The following VPS13C variants were observed in gnomAD, a reference collection of about 807,000 sequenced individuals.
VPS13C encodes vacuolar protein sorting 13 homolog C, also known as intermembrane lipid transfer protein VPS13C.
Under a neutral mutation model 456.8 loss-of-function variants are expected in VPS13C, and 358 were observed. The observed-to-expected ratio is 0.78, with a 90% CI of 0.72 to 0.86. The LOEUF is 0.86. Ranked by LOEUF, VPS13C falls within the 40% of genes least tolerant of loss-of-function variation. VPS13C has a pLI of 0.00. For synonymous variants in VPS13C, 1,578 were observed against 1,486.7 expected (o/e 1.06, Z -1.41); for missense variants, 4,818 against 4,385.4 (o/e 1.10, Z -2.79).
intron 16 of VPS13C, among the ~76,000 whole-genome samples, 166 bp downstream of exon 16, chr15:62,000,398 T>A: frequency 6.6e-6 from 1 of 152,046 alleles, no homozygotes; most frequent in East Asian, 1.9e-4. Context: ...AGGTTTTTTT[T>A]CCCCTTCATA....
intron 27 of VPS13C, among the ~76,000 whole-genome samples, chr15:61,969,996 T>G (rs563749462): frequency 6.6e-6 from 1 of 152,100 alleles, no homozygotes; most frequent in African/African-American, 2.4e-5. Flanking sequence ...AATGCTTAAA[T>G]CAATATAGTA....
intron 37 of VPS13C, among the ~76,000 whole-genome samples, chr15:61,955,804 T>C (rs1057285496): frequency 2.0e-5 from 3 of 152,106 alleles, no homozygotes; most frequent in African/African-American, 7.2e-5. Context: ...AGAATATCTA[T>C]TGAAAAGTCA....
Position 61,990,403 on chromosome 15 carries a change from T to A in VPS13C, c.1578+597A>T, listed in dbSNP as rs553546940. Among the ~76,000 whole-genome samples the A allele has an allele frequency of 7.2e-5, 11 of 152,302 alleles. No individual in the cohort carries two copies. The South Asian group carries it at 2.3e-3, about 32-fold the overall frequency. ...GGTTTTGCTTACTTTTTTATATATG[T>A]TATGCTTCACAAGTTGAAAAAAATT... On this transcript the variant is annotated intron_variant, in intron 18 of 84. Coordinates refer to ENST00000644861, the MANE Select transcript of VPS13C (RefSeq NM_020821.3).
Position 61,961,912 on chromosome 15 carries a change from A to C in VPS13C, c.3604-19T>G, listed in dbSNP as rs776858568. On this transcript the variant is annotated intron_variant, in intron 34 of 84. Transcript: ENST00000644861. ...GGAAGTTCTGTGGACACAAAGCATA[A>C]AAAGAGAAATTCAAAGAGAATACAG... 8 of 1,591,008 alleles carry C rather than the reference A, an allele frequency of 5.0e-6. No individual in the cohort carries two copies. The highest frequency in any genetic ancestry group is 1.7e-4 in the Middle Eastern group (1 of 5,924).
intron 29 of VPS13C, 59 bp from the exon 30 acceptor site, chr15:61,966,201 T>G: frequency 6.0e-6 from 7 of 1,175,722 alleles, no homozygotes; most frequent in Non-Finnish European, 8.6e-6. Flanking sequence ...ATAAATCACT[T>G]ATTTATTATC....
Position 62,000,544 on chromosome 15 carries a change from C to G in VPS13C, c.1353+20G>C. 6.3e-7 allele frequency: 1 copy of G among 1,597,558 alleles called. No individual in the cohort carries two copies. On this transcript the variant is annotated intron_variant, in intron 16 of 84. Coordinates refer to ENST00000644861, the MANE Select transcript of VPS13C (RefSeq NM_020821.3). ...CATTAACATGTTTAAAACATAAAAT[C>G]AGCTAATAAAAATGATTACCTCAAC...
intron 3 of VPS13C, among the ~76,000 whole-genome samples, chr15:62,037,173 CATAAT>C (rs1355846301): frequency 8.6e-6 from 1 of 116,874 alleles, no homozygotes; most frequent in Non-Finnish European, 1.7e-5. Flanking sequence ...TATTATATTG[CATAAT>C]ATAAATATAA....
intron 34 of VPS13C, 111 bp from the exon 35 acceptor site, chr15:61,962,004 T>G: frequency 8.4e-7 from 1 of 1,194,472 alleles, no homozygotes. Flanking sequence ...ATATTTAACT[T>G]TCCATTGAGC....
intron 50 of VPS13C, among the ~76,000 whole-genome samples, chr15:61,930,241 G>C (rs2044010787): frequency 6.6e-6 from 1 of 152,150 alleles, no homozygotes; most frequent in Non-Finnish European, 1.5e-5. Context: ...TGTTTATCAA[G>C]TGTGCTCAAC....
chr15:62,048,261 C>A (rs1290508989), intron 1 of VPS13C, among the ~76,000 whole-genome samples: 1 of 88,034 alleles, frequency 1.1e-5, no homozygotes, highest in Non-Finnish European at 2.5e-5. Flanking sequence ...CCCCCACCCC[C>A]CCCAACAGGC....
In VPS13C at chr15:61,920,143, G is replaced by A; in HGVS notation, c.7401C>T (p.Ala2467=). The change falls in exon 57 of 85, where the codon GCC becomes GCT. Residue 2467 remains alanine, a synonymous_variant. Coordinates refer to ENST00000644861, the MANE Select transcript of VPS13C (RefSeq NM_020821.3). The part of the protein sequence containing the change: ...DAGQNLELEY[A]SMVPSSQGNL... ...TCCCTTGACTTGAAGGTACCATGCT[G>A]GCATACTCCAGTTCCAAATTCTGGC... 1 of 1,613,462 alleles carries A rather than the reference G, an allele frequency of 6.2e-7. No homozygotes were observed.
chr15:61,989,051 T>C (rs1251392116), intron 18 of VPS13C, among the ~76,000 whole-genome samples: 1 of 150,940 alleles, frequency 6.6e-6, no homozygotes, highest in East Asian at 1.9e-4. Flanking sequence ...ATAAAGAAAA[T>C]AAATATTAAA....
chr15:61,940,836 A>G, intron 46 of VPS13C, 42 bp from the exon 47 acceptor site: 1 of 1,575,312 alleles, frequency 6.3e-7, no homozygotes, highest in African/African-American at 1.4e-5. Context: ...TCAAATTTAC[A>G]TTTTAAAATG....
intron 58 of VPS13C, 95 bp from the exon 59 acceptor site, chr15:61,918,352 T>C: frequency 6.7e-6 from 8 of 1,200,360 alleles, no homozygotes; most frequent in African/African-American, 1.6e-5. Flanking sequence ...ATCTAAAAAA[T>C]TTCAAACTCA....
intron 50 of VPS13C, 61 bp downstream of exon 50, chr15:61,931,029 G>A (rs2044035822): frequency 1.3e-6 from 2 of 1,586,544 alleles, no homozygotes; most frequent in Non-Finnish European, 1.7e-6. Flanking sequence ...GCAATGCCTG[G>A]CAGCCATGCA....
At chr15:61,966,459 CA>C (rs1304763939) in intron 29 of VPS13C, among the ~76,000 whole-genome samples, 2 of 151,826 alleles carry the variant, frequency 1.3e-5, no homozygotes, top group Admixed American at 1.3e-4. Context: ...TAAATCCCTC[CA>C]TAAAGTCGTC....
chr15:62,042,575 A>G (rs2048275616), intron 2 of VPS13C, among the ~76,000 whole-genome samples: 1 of 152,078 alleles, frequency 6.6e-6, no homozygotes, highest in Non-Finnish European at 1.5e-5. Flanking sequence ...GTCCTCCTGG[A>G]GGACAGGAAA....
intron 66 of VPS13C, among the ~76,000 whole-genome samples, chr15:61,900,158 A>G (rs1380890795): frequency 1.3e-5 from 2 of 152,180 alleles, no homozygotes; most frequent in Admixed American, 6.5e-5. Flanking sequence ...CCAATATCAT[A>G]CTGAATGGGC....
At chr15:61,971,733 A>C (rs1215908519) in intron 27 of VPS13C, among the ~76,000 whole-genome samples, 1 of 152,202 alleles carries the variant, frequency 6.6e-6, no homozygotes, top group Admixed American at 6.5e-5. Context: ...TTTTGAATTT[A>C]GGGTCATGGG....
Sources: allele counts gnomAD v4.1 joint callset (sites outside exome capture counted in the v4.1 genomes callset), GRCh38; gene constraint gnomAD v4.1.1; transcripts MANE v1.5; gene names NCBI Gene and HGNC (gene_info 2026-07-23, HGNC 2026-07-21).